GRHL3: variants seen among roughly 807,000 people sequenced by gnomAD.
GRHL3 encodes grainyhead-like protein 3 homolog.
GRHL3 carries 20 observed loss-of-function variants against 70.3 expected under a neutral mutation model. The observed-to-expected ratio is 0.28, with a 90% CI of 0.20 to 0.41. The LOEUF (loss-of-function observed/expected upper bound fraction) is 0.41. GRHL3 is among the 10% of genes least tolerant of loss of function. The pLI is 1.00. For missense variants in GRHL3, 637 were observed against 762.3 expected, an observed-to-expected ratio of 0.84 and a Z score of 1.94; for synonymous variants, 299 against 299.9, an observed-to-expected ratio of 1.00 and a Z score of 0.03.
chr1:24,349,354 G>A (rs1640412750), intron 14 of GRHL3, among the ~76,000 whole-genome samples: 2 of 152,242 alleles, frequency 1.3e-5, no homozygotes, highest in East Asian at 3.8e-4. Flanking sequence ...TGCTGTTTGA[G>A]CTCCGCATGC....
chr1:24,356,162 G>A (rs1329040825), downstream of GRHL3, among the ~76,000 whole-genome samples: 12 of 152,112 alleles, frequency 7.9e-5, no homozygotes, highest in East Asian at 2.3e-3. Context: ...GCCTCCCAAA[G>A]TGCTGGGATT....
At chr1:24,323,892 T>G (rs2148645586) in intron 1 of GRHL3, among the ~76,000 whole-genome samples, 1 of 152,176 alleles carries the variant, frequency 6.6e-6, no homozygotes, top group Non-Finnish European at 1.5e-5. Context: ...TTCCAGGAGG[T>G]CAGCAAGAAT....
intron 15 of GRHL3, among the ~76,000 whole-genome samples, chr1:24,362,002 C>A (rs896510376): frequency 6.6e-6 from 1 of 152,220 alleles, no homozygotes; most frequent in African/African-American, 2.4e-5. Context: ...GAAGGGCCGC[C>A]TCCTTCTGGC....
intron 14 of GRHL3, among the ~76,000 whole-genome samples, chr1:24,349,186 G>A (rs1640406314): frequency 6.6e-6 from 1 of 152,218 alleles, no homozygotes; most frequent in South Asian, 2.1e-4. Context: ...AACTTCAGAA[G>A]CTCTGGGGAG....
chr1:24,347,898 C>G (rs939581141), intron 14 of GRHL3, among the ~76,000 whole-genome samples: 15 of 152,196 alleles, frequency 9.9e-5, no homozygotes, highest in African/African-American at 3.6e-4. Context: ...CCCAGAGACG[C>G]TCTCTTTTTC....
intron 1 of GRHL3, among the ~76,000 whole-genome samples, chr1:24,320,437 C>G (rs1469238356): frequency 6.6e-6 from 1 of 152,124 alleles, no homozygotes; most frequent in East Asian, 1.9e-4. Context: ...GGGTCCAGAC[C>G]TTAGAGAAGG....
rs542969 is a variant in GRHL3, at chr1:24,363,924, A to G, written c.1695-261A>G. ...GACTGCCTTCAACCCTCCATTCACCAGTGATTTCCTGGGTTGTTCACTTGC... is the reference window on the plus strand; with the variant it reads ...GACTGCCTTCAACCCTCCATTCACCGGTGATTTCCTGGGTTGTTCACTTGC... On this transcript the variant is annotated intron_variant, in intron 15 of 15. Transcript: ENST00000350501. 0.71 allele frequency among the ~76,000 whole-genome samples: 108,293 copies of G among 152,010 alleles called. 38,753 individuals carry two copies. Among genetic ancestry groups the G allele is most frequent in the East Asian group, 0.87 (4,490 of 5,170 alleles).
rs1640426418 is a variant in GRHL3, at chr1:24,349,627, C to T, written c.1630-431C>T. On this transcript the variant is annotated intron_variant, in intron 14 of 15. Coordinates refer to ENST00000361548, the MANE Select transcript of GRHL3 (RefSeq NM_198173.3). ...CTTGCACGAGGCCAGCCAGCTGGTA[C>T]ATGGGTGCACCCTCAGCACTAGGAC... Among the ~76,000 whole-genome samples, 3 of 152,230 alleles carry T rather than the reference C, an allele frequency of 2.0e-5. No individual in the cohort carries two copies. The South Asian group carries it at 6.2e-4, about 31-fold the overall frequency.
At chr1:24,354,172 G>A (rs964148272) in intron 15 of GRHL3, among the ~76,000 whole-genome samples, 1 of 151,672 alleles carries the variant, frequency 6.6e-6, no homozygotes, top group Non-Finnish European at 1.5e-5. Flanking sequence ...GTTGTGGCTC[G>A]GCCACTGGGC....
chr1:24,347,085 T>C (rs1464248337), intron 13 of GRHL3, among the ~76,000 whole-genome samples: 2 of 152,146 alleles, frequency 1.3e-5, no homozygotes, highest in African/African-American at 4.8e-5. Context: ...GCAGCTAAGC[T>C]CAAAAGCTTC....
downstream of GRHL3, among the ~76,000 whole-genome samples, chr1:24,360,125 C>G (rs1418797421): frequency 6.6e-6 from 1 of 152,150 alleles, no homozygotes; most frequent in Non-Finnish European, 1.5e-5. Context: ...CCACACTAGA[C>G]CAGTAGTTTA....
Position 24,334,699 on chromosome 1 carries a change from G to A in GRHL3, c.259G>A (p.Gly87Arg). The A allele has an allele frequency of 6.2e-7, 1 of 1,610,430 alleles. No individual in the cohort carries two copies. Among genetic ancestry groups the A allele is most frequent in the Non-Finnish European group, 8.5e-7 (1 of 1,178,696 alleles). ...SSSTGGRNDQ[G>R]KRYYHGMEYE... Reference sequence around the variant, plus strand: ...CAGCACTGGGGGCAGGAATGACCAAGGAAAGAGGTGAGGCTTGCCAACACC... The same window carrying A: ...CAGCACTGGGGGCAGGAATGACCAAAGAAAGAGGTGAGGCTTGCCAACACC... The change falls in exon 3 of 16, where the codon GGA becomes AGA. Residue 87 changes from glycine (G) to arginine (R), a missense_variant. Around this residue, in one of 2 missense-constraint regions of GRHL3, gnomAD observed 250 missense variants for 248.6 expected, o/e 1.01. Transcript: ENST00000361548. This position sits in a 1 kb window ranked among gnomAD's most constrained non-coding sequence, Gnocchi z 4.3.
chr1:24,347,343 C>G, intron 13 of GRHL3, 125 bp from the exon 14 acceptor site: 1 of 824,500 alleles, frequency 1.2e-6, no homozygotes, highest in Non-Finnish European at 2.0e-6. Flanking sequence ...GCCAAAGGGC[C>G]TCCCAGCTGG....
At chr1:24,361,884 C>T (rs1435792451) in intron 15 of GRHL3, among the ~76,000 whole-genome samples, 1 of 152,168 alleles carries the variant, frequency 6.6e-6, no homozygotes, top group African/African-American at 2.4e-5. Flanking sequence ...CCTCTGAGGT[C>T]CCTTCCTGCT....
rs958323512 is a variant in GRHL3 at position 24,338,175 on chromosome 1, C to G, written c.952+72C>G. The G allele has an allele frequency of 6.9e-6, 7 of 1,010,258 alleles. No individual in the cohort carries two copies. The African/African-American group carries it at 9.7e-5, about 14-fold the overall frequency. 62.6% of individuals were successfully genotyped at this position (1,010,258 alleles called of 1,614,324 possible). A position where few individuals can be genotyped will look rare whatever the true frequency, so the allele number is the denominator to read the frequency against. The stretch of plus-strand genomic sequence containing the variant: ...ACCCCCGCATCAATCAGGCCTTTTT[C>G]TTACTCACCCCTGTTTCCCTACCTG... On this transcript the variant is annotated intron_variant, in intron 7 of 15. Coordinates refer to ENST00000361548, the MANE Select transcript of GRHL3 (RefSeq NM_198173.3).
chr1:24,354,746 TCACCATGGTTAC>T lies in GRHL3; in HGVS notation c.*263_*274del. 2.6e-6 allele frequency: 1 copy of T among 377,496 alleles called. No individual in the cohort carries two copies. Among genetic ancestry groups the T allele is most frequent in the Non-Finnish European group, 4.9e-6 (1 of 202,390 alleles). The allele number at this position is 377,496 out of a possible 1,614,324, so 23.4% of individuals were successfully genotyped here. On this transcript the variant is annotated 3_prime_UTR_variant, in exon 16 of 16. Transcript: ENST00000361548. ...TGCCTCCCCGTACCCCAAAACAATG[TCACCATGGTTAC>T]CACCTACCCAGAAGACTGTTCCCTC...
Position 24,322,310 on chromosome 1 carries a change from G to T in GRHL3, c.17+2742G>T, listed in dbSNP as rs1639224594. 6.6e-6 allele frequency among the ~76,000 whole-genome samples: 1 copy of T among 152,078 alleles called. No individual in the cohort carries two copies. Among genetic ancestry groups the T allele is most frequent in the African/African-American group, 2.4e-5 (1 of 41,422 alleles). On this transcript the variant is annotated intron_variant, in intron 1 of 15. Coordinates refer to ENST00000361548, the MANE Select transcript of GRHL3 (RefSeq NM_198173.3). The surrounding 1 kb of genome is among the most constrained non-coding windows in gnomAD (Gnocchi z 4.4). ...TTGGGGGAAGGGGACTAGAACCGTC[G>T]CAGTCCTGACCGCGGCCGCCGCCGC...
At chr1:24,359,324 G>A (rs144426656), downstream of GRHL3, among the ~76,000 whole-genome samples, 13 of 152,356 alleles carry the variant, frequency 8.5e-5, no homozygotes, top group African/African-American at 2.9e-4. The surrounding 1 kb of genome is among the most constrained non-coding windows in gnomAD (Gnocchi z 5.3). Flanking sequence ...AAAGTCATTC[G>A]GGCAATGCTT....
intron 1 of GRHL3, among the ~76,000 whole-genome samples, chr1:24,330,815 C>T (rs1639575332): frequency 6.6e-6 from 1 of 152,204 alleles, no homozygotes. Flanking sequence ...CCTCTGTGTG[C>T]CCTGCAGCCT....
Sources: gnomAD v4.1 joint callset for allele counts (sites outside exome capture counted in the v4.1 genomes callset) on GRCh38, gnomAD v4.1.1 for gene constraint, gnomAD v4.1.1 regional missense constraint, Gnocchi (gnomAD v3.1) non-coding constraint, MANE v1.5 for transcripts, NCBI Gene and HGNC (gene_info 2026-07-23, HGNC 2026-07-21) for gene names.